The following ATP13A4 variants were observed in gnomAD, a reference collection of about 807,000 sequenced individuals.
The protein encoded by ATP13A4 is ATPase 13A4, also known as probable cation-transporting ATPase 13A4.
ATP13A4 carries 114 observed loss-of-function variants against 142.5 expected under a neutral mutation model. The observed-to-expected ratio is 0.80, with a 90% CI of 0.69 to 0.93. The LOEUF (loss-of-function observed/expected upper bound fraction) is 0.93, where lower values mean the gene tolerates loss of function less well. ATP13A4 is among the 40% of genes least tolerant of loss of function. The pLI is 0.00. For synonymous variants in ATP13A4, 488 were observed against 514.8 expected, an observed-to-expected ratio of 0.95 and a Z score of 0.70; for missense variants, 1,392 against 1,454.0, an observed-to-expected ratio of 0.96 and a Z score of 0.69.
At chr3:193,507,525 C>CAA (rs367675291) in intron 2 of ATP13A4, among the ~76,000 whole-genome samples, 4 of 148,954 alleles carry the variant, frequency 2.7e-5, no homozygotes, top group Admixed American at 6.7e-5. Flanking sequence ...ATATGTTGTC[C>CAA]AAAAAAAAAG....
chr3:193,539,063 G>C (rs1007924724), intron 1 of ATP13A4, among the ~76,000 whole-genome samples: 2 of 152,052 alleles, frequency 1.3e-5, no homozygotes, highest in African/African-American at 4.8e-5. Flanking sequence ...AGTAGAGACA[G>C]GGTTTCTGCA....
chr3:193,522,448 G>C (rs900977395), intron 1 of ATP13A4, among the ~76,000 whole-genome samples: 1 of 152,164 alleles, frequency 6.6e-6, no homozygotes, highest in Non-Finnish European at 1.5e-5. Context: ...ATCAGGCATG[G>C]ATCAGAATAA....
chr3:193,441,017 C>A (rs62285719), intron 20 of ATP13A4, among the ~76,000 whole-genome samples: 45,312 of 149,964 alleles, frequency 0.3, 7,203 homozygotes, highest in African/African-American at 0.39. Flanking sequence ...CTCTCTCTCT[C>A]TATATATATA....
chr3:193,419,603 G>T (rs1268990224), intron 25 of ATP13A4, among the ~76,000 whole-genome samples: 2 of 145,482 alleles, frequency 1.4e-5, no homozygotes, highest in Non-Finnish European at 3.0e-5. Flanking sequence ...GCAGTGCACT[G>T]CCTCCCAAGG....
At chr3:193,550,620 A>G (rs549821771) in intron 1 of ATP13A4, among the ~76,000 whole-genome samples, 4 of 152,214 alleles carry the variant, frequency 2.6e-5, no homozygotes, top group Admixed American at 2.6e-4. Flanking sequence ...TTTTTTATTG[A>G]CATGTCTGGT....
At position 193,492,995 on chromosome 3, in the gene ATP13A4, G is replaced by T. The variant is rs1243299059; in HGVS notation, c.455C>A (p.Ser152Tyr). 1.2e-6 allele frequency: 2 copies of T among 1,608,766 alleles called. No individual in the cohort carries two copies. Among genetic ancestry groups the T allele is most frequent in the Non-Finnish European group, 1.7e-6 (2 of 1,176,024 alleles). Reference protein sequence around the residue: ...YLEGQFQKIGSLEDWLSSAKI... With the variant: ...YLEGQFQKIGYLEDWLSSAKI... ...GGCAGAACTAAGCCAGTCTTCCAAA[G>T]AACTAAAATAATAATAATGAAAAGA... Residue 152 changes from serine (S) to tyrosine (Y), a missense_variant and splice_region_variant, in exon 5 of 30, where the codon TCT (serine) becomes TAT (tyrosine). Ser to Tyr is a moderately radical substitution (Grantham distance 144). Transcript: ENST00000342695.
At chr3:193,458,923 A>T (rs547058361) in intron 14 of ATP13A4, 158 bp downstream of exon 14, 9 of 929,140 alleles carry the variant, frequency 9.7e-6, no homozygotes, top group South Asian at 3.9e-5. Flanking sequence ...TTCATTGCAC[A>T]GATGAGGAAA....
At chr3:193,516,028 G>A (rs1190085556) in intron 1 of ATP13A4, among the ~76,000 whole-genome samples, 4 of 152,240 alleles carry the variant, frequency 2.6e-5, no homozygotes, top group African/African-American at 4.8e-5. Context: ...CATTTACTAC[G>A]GCTGTTGCTG....
intron 2 of ATP13A4, among the ~76,000 whole-genome samples, chr3:193,505,684 T>G (rs1720826607): frequency 6.6e-6 from 1 of 152,180 alleles, no homozygotes; most frequent in African/African-American, 2.4e-5. Context: ...GGAGTGACAC[T>G]GACTTCTCTC....
chr3:193,445,344 G>A (rs985135150), intron 18 of ATP13A4, among the ~76,000 whole-genome samples: 12 of 152,050 alleles, frequency 7.9e-5, no homozygotes, highest in Admixed American at 2.6e-4. Flanking sequence ...GCTGAGGCAG[G>A]AGAATCACTT....
rs1389639393 is a variant in ATP13A4 at position 193,531,319 on chromosome 3, G to GGAGGGAAGGAAGGGA, written c.61-16449_61-16448insTCCCTTCCTTCCCTC. ...GGGAGGAAGGAAGGAAGGAAGGAAG[G>GGAGGGAAGGAAGGGA]AAGGAAGGAAGGAAGGAAGGGAGGA... On this transcript the variant is annotated intron_variant, in intron 1 of 29. Coordinates refer to ENST00000342695, the MANE Select transcript of ATP13A4 (RefSeq NM_032279.4). Among the ~76,000 whole-genome samples the GGAGGGAAGGAAGGGA allele has an allele frequency of 7.4e-4, 91 of 123,596 alleles. 1 individual carries two copies. Among genetic ancestry groups the GGAGGGAAGGAAGGGA allele is most frequent in the African/African-American group, 2.2e-3 (75 of 33,860 alleles). 81.1% of individuals were successfully genotyped at this position (123,596 alleles called of 152,430 possible).
chr3:193,474,046 G>A (rs1056531826), intron 8 of ATP13A4, among the ~76,000 whole-genome samples: 13 of 152,000 alleles, frequency 8.6e-5, no homozygotes, highest in African/African-American at 1.7e-4. Flanking sequence ...GAGGCCAGGC[G>A]CGGTGGCTCA....
At chr3:193,545,973 T>TTG (rs3053200) in intron 1 of ATP13A4, among the ~76,000 whole-genome samples, 6,224 of 143,054 alleles carry the variant, frequency 0.044, 200 homozygotes, top group Admixed American at 0.11. Flanking sequence ...AATGTTTAAA[T>TTG]TGTGTGTGTG....
Position 193,459,092 on chromosome 3 carries a change from C to T in ATP13A4, c.1663G>A (p.Ala555Thr), listed in dbSNP as rs752965061. 3.7e-6 allele frequency: 6 copies of T among 1,614,136 alleles called. No individual in the cohort carries two copies. The highest frequency in any genetic ancestry group is 1.6e-4 in the Middle Eastern group (1 of 6,084). Residue 555 changes from alanine (A) to threonine (T), a missense_variant, in exon 14 of 30, where the codon GCC becomes ACC. Ala to Thr is a moderately conservative substitution (Grantham distance 58). Transcript: ENST00000342695. ...GAGCAGAGGCTTACCCAGGTGGTGG[C>T]TTCAAACATTTTGAGGTCCAGAGGG... The part of the protein sequence containing the change: ...GDPLDLKMFE[A>T]TTWEMAFSGD...
intron 9 of ATP13A4, among the ~76,000 whole-genome samples, chr3:193,469,496 C>T (rs1278261352): frequency 6.6e-6 from 1 of 152,110 alleles, no homozygotes; most frequent in Non-Finnish European, 1.5e-5. Context: ...CATGGTGGTG[C>T]ACACCTGTAA....
intron 2 of ATP13A4, among the ~76,000 whole-genome samples, chr3:193,513,128 A>T (rs147815739): frequency 3.3e-5 from 5 of 152,242 alleles, no homozygotes; most frequent in African/African-American, 1.2e-4. Context: ...TAGAACATAG[A>T]ACAAGTATTT....
intron 2 of ATP13A4, among the ~76,000 whole-genome samples, chr3:193,561,444 T>C (rs1046479570): frequency 6.6e-6 from 1 of 152,190 alleles, no homozygotes; most frequent in Admixed American, 6.5e-5. Context: ...GCAAGTAAGA[T>C]GCTCCACAAA....
In ATP13A4 at chr3:193,514,873, T is replaced by G; in HGVS notation, c.61-2A>C. ...TTGAGTCCGATAGCCAAATATCTCC[T>G]GGGACAGAATCAAAATGATACCAAA... On this transcript the variant is annotated splice_acceptor_variant, in intron 1 of 29. Transcript: ENST00000342695. LOFTEE classifies it high-confidence loss of function. The G allele has an allele frequency of 6.2e-7, 1 of 1,613,886 alleles. No homozygotes were observed. Among genetic ancestry groups the G allele is most frequent in the Non-Finnish European group, 8.5e-7 (1 of 1,179,822 alleles).
At chr3:193,580,415 AT>A (rs1449542597) in intron 2 of ATP13A4, among the ~76,000 whole-genome samples, 1 of 152,134 alleles carries the variant, frequency 6.6e-6, no homozygotes, top group Non-Finnish European at 1.5e-5. Flanking sequence ...CATACAAAGT[AT>A]GAGAGAGAAA....
Sources: allele counts gnomAD v4.1 joint callset (sites outside exome capture counted in the v4.1 genomes callset), GRCh38; gene constraint gnomAD v4.1.1; transcripts MANE v1.5; gene names NCBI Gene and HGNC (gene_info 2026-07-23, HGNC 2026-07-21).